Variants in SGIP1 observed in about 807,000 individuals in gnomAD.
The protein encoded by SGIP1 is SH3GL interacting endocytic adaptor 1.
In SGIP1, 38 loss-of-function variants were observed where a neutral mutation model predicts 107.5. The observed-to-expected ratio is 0.35, with a 90% CI of 0.27 to 0.46. The LOEUF (loss-of-function observed/expected upper bound fraction) is 0.46, where lower values mean the gene tolerates loss of function less well. Among genes scored for constraint, SGIP1 ranks in the 20% least tolerant of loss-of-function variants. SGIP1 has a pLI of 1.00. For synonymous variants in SGIP1, 365 were observed against 366.1 expected, an observed-to-expected ratio of 1.00 and a Z score of 0.03; for missense variants, 929 against 1,019.5, an observed-to-expected ratio of 0.91 and a Z score of 1.21.
At chr1:66,583,404 C>G (rs1289816796) in intron 1 of SGIP1, among the ~76,000 whole-genome samples, 1 of 152,132 alleles carries the variant, frequency 6.6e-6, no homozygotes, top group Non-Finnish European at 1.5e-5. Context: ...CTGCATTGCA[C>G]TTACTTCCTT....
chr1:66,611,661 T>C (rs1230492058), intron 1 of SGIP1, among the ~76,000 whole-genome samples: 1 of 152,206 alleles, frequency 6.6e-6, no homozygotes, highest in Non-Finnish European at 1.5e-5. Context: ...GATAGCTTCA[T>C]GCGATGGGAG....
chr1:66,683,420 G>T (rs557922890), intron 15 of SGIP1, among the ~76,000 whole-genome samples: 3 of 152,112 alleles, frequency 2.0e-5, no homozygotes, highest in Non-Finnish European at 2.9e-5. Flanking sequence ...TTTCAATGAG[G>T]TCTTGCAGAA....
At position 66,655,796 on chromosome 1, in the gene SGIP1, A is replaced by G. The variant is rs149077668; in HGVS notation, c.460-4717A>G. Among the ~76,000 whole-genome samples, 4 of 152,262 alleles carry G rather than the reference A, an allele frequency of 2.6e-5. No homozygotes were observed. The East Asian group carries it at 7.7e-4, about 29-fold the overall frequency. On this transcript the variant is annotated intron_variant, in intron 7 of 24. Coordinates refer to ENST00000371037, the MANE Select transcript of SGIP1 (RefSeq NM_032291.4). ...CATGAATGGAGTTTGCAGGGCTCAA[A>G]GTTGCTCTCGGTGAGCCAGTGAGTG...
intron 1 of SGIP1, among the ~76,000 whole-genome samples, chr1:66,607,515 A>G (rs2067094852): frequency 6.6e-6 from 1 of 152,168 alleles, no homozygotes; most frequent in African/African-American, 2.4e-5. Context: ...GAAGTGAAAA[A>G]CCAGAAGTCA....
At chr1:66,604,569 G>A (rs533460037) in intron 1 of SGIP1, among the ~76,000 whole-genome samples, 11 of 152,224 alleles carry the variant, frequency 7.2e-5, no homozygotes, top group South Asian at 2.1e-4. Context: ...GACCAAGTCC[G>A]TTTAACTTTC....
chr1:66,587,042 G>T (rs1277309173), intron 1 of SGIP1, among the ~76,000 whole-genome samples: 1 of 152,042 alleles, frequency 6.6e-6, no homozygotes, highest in Non-Finnish European at 1.5e-5. Flanking sequence ...CACAGTGTCT[G>T]ATAAGAAATC....
chr1:66,615,039 T>G (rs2068914407), intron 1 of SGIP1, among the ~76,000 whole-genome samples: 1 of 152,078 alleles, frequency 6.6e-6, no homozygotes, highest in South Asian at 2.1e-4. Flanking sequence ...CAGGCTGGTC[T>G]CGAACTCCTG....
chr1:66,545,860 A>T (rs1194922306), intron 1 of SGIP1, among the ~76,000 whole-genome samples: 1 of 152,148 alleles, frequency 6.6e-6, no homozygotes, highest in Non-Finnish European at 1.5e-5. Flanking sequence ...ATTCTCTTTT[A>T]GGCATAGCAC....
chr1:66,567,829 T>C (rs142659625), intron 1 of SGIP1, among the ~76,000 whole-genome samples: 1 of 152,130 alleles, frequency 6.6e-6, no homozygotes, highest in Admixed American at 6.6e-5. Flanking sequence ...TGTGGTGTTA[T>C]TTCTGCGGTC....
intron 18 of SGIP1, among the ~76,000 whole-genome samples, chr1:66,709,873 T>C (rs1173162087): frequency 6.6e-6 from 1 of 152,118 alleles, no homozygotes; most frequent in African/African-American, 2.4e-5. Context: ...ATCGTAGCAT[T>C]ATTATTAATT....
rs114988040 is a variant in SGIP1 at position 66,740,160 on chromosome 1, A to G, written c.2235-498A>G. 6.8e-3 allele frequency among the ~76,000 whole-genome samples: 1,030 copies of G among 152,326 alleles called. 4 individuals are homozygous for G. The highest frequency in any genetic ancestry group is 0.023 in the African/African-American group (964 of 41,558). On this transcript the variant is annotated intron_variant, in intron 22 of 24. Transcript: ENST00000371037. ...TGTTTCATTTTGTAGCCTCTGAACT[A>G]TAAAAAGGCACACTAGAGAAGGTAT...
chr1:66,575,940 C>A (rs148085582), intron 1 of SGIP1, among the ~76,000 whole-genome samples: 1 of 152,168 alleles, frequency 6.6e-6, no homozygotes, highest in East Asian at 1.9e-4. Flanking sequence ...TTCGTCAGTA[C>A]GCTAGGAGCC....
At chr1:66,689,320 A>G in intron 16 of SGIP1, 45 bp downstream of exon 16, 1 of 1,589,838 alleles carries the variant, frequency 6.3e-7, no homozygotes, top group East Asian at 2.3e-5. Context: ...AGTGAGAATG[A>G]CAAACAGAAG....
rs182725707 is a variant in SGIP1 at position 66,632,026 on chromosome 1, C to T, written c.75-1044C>T. Among the ~76,000 whole-genome samples, 715 of 152,308 alleles carry T rather than the reference C, an allele frequency of 4.7e-3. 4 individuals carry two copies. Among genetic ancestry groups the T allele is most frequent in the Middle Eastern group, 0.017 (5 of 294 alleles). On this transcript the variant is annotated intron_variant, in intron 2 of 24. Coordinates refer to ENST00000371037, the MANE Select transcript of SGIP1 (RefSeq NM_032291.4). ...AAATACCTCTAATACCTCTCCTACA[C>T]TGCCCTAAAGTCCAGTGTGGCTGTA...
In SGIP1 at chr1:66,551,453, G is replaced by GA. The variant is rs2057393962; in HGVS notation, c.10+17090dup. Among the ~76,000 whole-genome samples, 3 of 152,110 alleles carry GA rather than the reference G, an allele frequency of 2.0e-5. No individual in the cohort carries two copies. The South Asian group carries it at 6.2e-4, about 32-fold the overall frequency. ...TCATCAGTTGACTTCTGTTTAATAT[G>GA]AAAAATATAGTCATTCTGACTTTGT... On this transcript the variant is annotated intron_variant, in intron 1 of 24. Transcript: ENST00000371037.
chr1:66,672,552 C>G (rs529819509), intron 11 of SGIP1, among the ~76,000 whole-genome samples: 2 of 152,182 alleles, frequency 1.3e-5, no homozygotes, highest in Non-Finnish European at 2.9e-5. Context: ...CAACCTCTCC[C>G]CTCTCCTCTT....
At position 66,671,033 on chromosome 1, in the gene SGIP1, A is replaced by G; in HGVS notation, c.508+14A>G. 7.6e-7 allele frequency: 1 copy of G among 1,321,974 alleles called. No homozygotes were observed. Among genetic ancestry groups the G allele is most frequent in the African/African-American group, 1.5e-5 (1 of 68,636 alleles). The allele number at this position is 1,321,974 out of a possible 1,614,324, so 81.9% of individuals were successfully genotyped here. Reference sequence around the variant, plus strand: ...GGAACTTATCCAGTAAGTATATCTTAGCTACCAGAAATAGTGTATGATTTA... The same window carrying G: ...GGAACTTATCCAGTAAGTATATCTTGGCTACCAGAAATAGTGTATGATTTA... On this transcript the variant is annotated intron_variant, in intron 10 of 24. Transcript: ENST00000371037.
intron 1 of SGIP1, among the ~76,000 whole-genome samples, chr1:66,586,517 A>G (rs1319816986): frequency 6.6e-6 from 1 of 152,142 alleles, no homozygotes; most frequent in African/African-American, 2.4e-5. Context: ...ATATTACATC[A>G]TATTTACATA....
intron 18 of SGIP1, among the ~76,000 whole-genome samples, chr1:66,711,847 T>A (rs948861419): frequency 3.9e-4 from 60 of 152,308 alleles, no homozygotes; most frequent in Middle Eastern, 3.4e-3. Flanking sequence ...AGGTAAAATA[T>A]GCAGTTCTTA....
Sources: gnomAD v4.1 joint callset for allele counts (sites outside exome capture counted in the v4.1 genomes callset) on GRCh38, gnomAD v4.1.1 for gene constraint, MANE v1.5 for transcripts, NCBI Gene and HGNC (gene_info 2026-07-23, HGNC 2026-07-21) for gene names.